The following PUDP variants were observed in gnomAD, a reference collection of about 807,000 sequenced individuals.
PUDP encodes the protein pseudouridine-5'-phosphatase.
Under a neutral mutation model 9.4 loss-of-function variants are expected in PUDP, and 8 were observed. The ratio of observed to expected loss-of-function variants is 0.85; its 90% CI spans 0.50 to 1.53. The LOEUF (loss-of-function observed/expected upper bound fraction) is 1.53. PUDP is among the 40% of genes most tolerant of loss of function. The pLI is 0.00. For missense variants in PUDP, 188 were observed against 189.7 expected (o/e 0.99, Z 0.05); for synonymous variants, 99 against 80.7 (o/e 1.23, Z -1.22).
intron 3 of PUDP, among the ~76,000 whole-genome samples, chrX:6,859,981 A>G (rs968795914): frequency 8.9e-6 from 1 of 112,463 alleles, no homozygotes; most frequent in African/African-American, 3.2e-5. Context: ...TTGTCTGTGC[A>G]GTGGGCAGGA....
chrX:6,892,835 A>G (rs929675098), intron 3 of PUDP, among the ~76,000 whole-genome samples: 4 of 111,752 alleles, frequency 3.6e-5, no homozygotes, highest in African/African-American at 1.3e-4. Context: ...GCACAGCAAG[A>G]ATGTAGCCCA....
chrX:6,817,043 A>T (rs1926261179), intron 3 of PUDP, among the ~76,000 whole-genome samples: 1 of 65,274 alleles, frequency 1.5e-5, no homozygotes. Context: ...AGTATATACA[A>T]TATATATACA....
At chrX:6,755,402 A>T (rs1277413197) in intron 3 of PUDP, among the ~76,000 whole-genome samples, 1 of 111,693 alleles carries the variant, frequency 9.0e-6, no homozygotes, top group East Asian at 2.8e-4. Flanking sequence ...ACAATCACTG[A>T]ATGTCTATAT....
At chrX:6,840,020 A>C (rs1926643002) in intron 3 of PUDP, among the ~76,000 whole-genome samples, 2 of 110,636 alleles carry the variant, frequency 1.8e-5, no homozygotes, top group African/African-American at 6.6e-5. Flanking sequence ...CTGTGTCCCC[A>C]CCCAAATCTC....
chrX:6,975,323 T>TG (rs765299077), intron 3 of PUDP, among the ~76,000 whole-genome samples: 1 of 111,632 alleles, frequency 9.0e-6, no homozygotes, highest in African/African-American at 3.3e-5. Flanking sequence ...CTTTTTATAC[T>TG]GGTTTTTCCT....
At chrX:6,763,302 T>A (rs766400393) in intron 3 of PUDP, among the ~76,000 whole-genome samples, 2 of 111,425 alleles carry the variant, frequency 1.8e-5, no homozygotes, top group South Asian at 7.6e-4. Context: ...GGTAGGAGAA[T>A]CACTTGAACC....
At chrX:6,897,423 C>T (rs1927608313) in intron 3 of PUDP, among the ~76,000 whole-genome samples, 1 of 111,424 alleles carries the variant, frequency 9.0e-6, no homozygotes, top group South Asian at 3.8e-4. Flanking sequence ...TAGCCCCTTG[C>T]AGCCATGGTC....
At position 7,006,349 on chromosome X, in the gene PUDP, G is replaced by A. The variant is rs59721751; in HGVS notation, c.205-28006C>T. Reference sequence around the variant, plus strand: ...CAGTCTCATTAACACATTATTTTCCGGGGTTTTTGCTTTGTGTTTGATAGT... The same window carrying A: ...CAGTCTCATTAACACATTATTTTCCAGGGTTTTTGCTTTGTGTTTGATAGT... On this transcript the variant is annotated intron_variant and NMD_transcript_variant, in intron 1 of 3. Transcript: ENST00000655425. 9.1e-3 allele frequency among the ~76,000 whole-genome samples: 1,014 copies of A among 111,766 alleles called. 16 individuals carry two copies. The highest frequency in any genetic ancestry group is 0.031 in the African/African-American group (939 of 30,688).
chrX:6,903,041 C>T (rs1436955586), intron 3 of PUDP, among the ~76,000 whole-genome samples: 1 of 111,295 alleles, frequency 9.0e-6, no homozygotes, highest in African/African-American at 3.3e-5. Context: ...AGAAAATCTC[C>T]CCACTTGAGA....
chrX:6,742,289 T>TTTGG, intron 3 of PUDP, among the ~76,000 whole-genome samples: 2 of 112,747 alleles, frequency 1.8e-5, no homozygotes, highest in Non-Finnish European at 3.7e-5. Context: ...GGTCCCCAAA[T>TTTGG]CACTGCCCAC....
chrX:6,708,715 AC>A (rs1924497492), intron 1 of PUDP, among the ~76,000 whole-genome samples: 1 of 111,920 alleles, frequency 8.9e-6, no homozygotes, highest in Admixed American at 9.5e-5. Flanking sequence ...GATCTCCATG[AC>A]CAAGGTCCCA....
chrX:6,956,270 C>A (rs1473797348), intron 3 of PUDP, among the ~76,000 whole-genome samples: 1 of 110,974 alleles, frequency 9.0e-6, no homozygotes, highest in Non-Finnish European at 1.9e-5. Flanking sequence ...GTCAATCTGC[C>A]AGCCTCAGCC....
At chrX:6,954,891 C>G (rs1928603937) in intron 3 of PUDP, among the ~76,000 whole-genome samples, 1 of 112,044 alleles carries the variant, frequency 8.9e-6, no homozygotes, top group African/African-American at 3.2e-5. Flanking sequence ...GGCTCTATCA[C>G]ACGGGTATTG....
At chrX:6,880,274 C>G (rs1927327488) in intron 3 of PUDP, among the ~76,000 whole-genome samples, 1 of 110,465 alleles carries the variant, frequency 9.1e-6, no homozygotes, top group Non-Finnish European at 1.9e-5. Context: ...TTCCCCTGAG[C>G]CCCCAAAGTC....
chrX:6,984,064 T>G (rs1231449077), intron 1 of PUDP, among the ~76,000 whole-genome samples: 1 of 112,498 alleles, frequency 8.9e-6, no homozygotes, highest in African/African-American at 3.2e-5. Flanking sequence ...CTGGACACCC[T>G]CCACTGGTGA....
At chrX:6,928,418 G>A (rs1221022565) in intron 3 of PUDP, among the ~76,000 whole-genome samples, 1 of 111,289 alleles carries the variant, frequency 9.0e-6, no homozygotes, top group African/African-American at 3.3e-5. Flanking sequence ...GTGTCCAAAC[G>A]CCAGATTTTG....
intron 2 of PUDP, among the ~76,000 whole-genome samples, chrX:7,087,822 C>T (rs1054697134): frequency 6.2e-5 from 7 of 112,481 alleles, no homozygotes; most frequent in Non-Finnish European, 1.1e-4. Flanking sequence ...GAGCATCCGA[C>T]TGCCTTTGCT....
At chrX:7,029,380 T>G (rs1377151721) in intron 1 of PUDP, among the ~76,000 whole-genome samples, 1 of 111,876 alleles carries the variant, frequency 8.9e-6, no homozygotes, top group Non-Finnish European at 1.9e-5. Flanking sequence ...CTAATGGTGG[T>G]TCTCAGTCTT....
chrX:6,800,759 C>T (rs1484344962), intron 3 of PUDP, among the ~76,000 whole-genome samples: 1 of 111,884 alleles, frequency 8.9e-6, no homozygotes, highest in Non-Finnish European at 1.9e-5. Flanking sequence ...ACAACTCAAG[C>T]CATTCTCGTG....
Sources: gnomAD v4.1 joint callset for allele counts (sites outside exome capture counted in the v4.1 genomes callset) on GRCh38, gnomAD v4.1.1 for gene constraint, MANE v1.5 for transcripts, NCBI Gene and HGNC (gene_info 2026-07-23, HGNC 2026-07-21) for gene names.